The following AGBL1 variants were observed in gnomAD, a reference collection of about 807,000 sequenced individuals.
AGBL1 encodes cytosolic carboxypeptidase 4.
A neutral mutation model predicts 118.9 loss-of-function variants in AGBL1; 130 were observed. That is an observed-to-expected ratio of 1.09 (90% CI 0.95 to 1.26). The LOEUF is 1.26. AGBL1 is among the 50% of genes most tolerant of loss of function. The pLI is 0.00. For synonymous variants in AGBL1, 555 were observed against 478.9 expected (o/e 1.16, Z -2.08); for missense variants, 1,584 against 1,298.1 (o/e 1.22, Z -3.38).
At chr15:86,768,622 A>G (rs1377791651) in intron 22 of AGBL1, among the ~76,000 whole-genome samples, 1 of 151,968 alleles carries the variant, frequency 6.6e-6, no homozygotes, top group Non-Finnish European at 1.5e-5. Flanking sequence ...GCCTGACCTG[A>G]CAACCTAGTG....
chr15:86,564,269 T>C (rs1043961690), intron 21 of AGBL1, among the ~76,000 whole-genome samples: 2 of 152,212 alleles, frequency 1.3e-5, no homozygotes, highest in African/African-American at 4.8e-5. Context: ...TGGCTGGTAC[T>C]GGTTGTTCCT....
At chr15:86,392,727 A>C (rs2081306974) in intron 17 of AGBL1, among the ~76,000 whole-genome samples, 1 of 152,196 alleles carries the variant, frequency 6.6e-6, no homozygotes, top group African/African-American at 2.4e-5. Flanking sequence ...CTCTTTTTAC[A>C]GATGTCATTA....
chr15:86,761,023 A>G (rs906268930), intron 22 of AGBL1, among the ~76,000 whole-genome samples: 4 of 152,078 alleles, frequency 2.6e-5, no homozygotes, highest in East Asian at 1.9e-4. Flanking sequence ...GGGAAACAGT[A>G]TTCTAGCCTT....
chr15:86,410,834 A>ATC (rs1567242815), intron 18 of AGBL1, among the ~76,000 whole-genome samples: 1 of 106,134 alleles, frequency 9.4e-6, no homozygotes, highest in South Asian at 2.5e-4. Flanking sequence ...ATATATATAT[A>ATC]TATATATAAT....
At chr15:86,769,311 C>T (rs527246877) in intron 22 of AGBL1, among the ~76,000 whole-genome samples, 1 of 151,912 alleles carries the variant, frequency 6.6e-6, no homozygotes, top group South Asian at 2.1e-4. Flanking sequence ...TCTGTATCTT[C>T]ATTATCCCAG....
At chr15:86,947,178 A>C (rs1324514299) in intron 23 of AGBL1, among the ~76,000 whole-genome samples, 1 of 152,136 alleles carries the variant, frequency 6.6e-6, no homozygotes, top group Non-Finnish European at 1.5e-5. Flanking sequence ...TGAATAATGA[A>C]AGCTGCCCGG....
chr15:86,687,047 C>A (rs1014558309), intron 22 of AGBL1, among the ~76,000 whole-genome samples: 2 of 152,014 alleles, frequency 1.3e-5, no homozygotes, highest in Non-Finnish European at 2.9e-5. Flanking sequence ...ATCCTTGCAC[C>A]GGTCAGGGTT....
At chr15:86,466,817 C>G (rs1446548391) in intron 18 of AGBL1, among the ~76,000 whole-genome samples, 1 of 152,182 alleles carries the variant, frequency 6.6e-6, no homozygotes, top group East Asian at 1.9e-4. Flanking sequence ...TGGGTATCAG[C>G]AGTGGAGGCT....
intron 20 of AGBL1, among the ~76,000 whole-genome samples, chr15:86,553,305 T>C (rs569929560): frequency 6.0e-4 from 92 of 152,336 alleles, no homozygotes; most frequent in African/African-American, 2.2e-3. Context: ...CTCTGAGTCA[T>C]TGTCCTCTGG....
intron 6 of AGBL1, among the ~76,000 whole-genome samples, chr15:86,238,200 C>T (rs939842114): frequency 6.6e-6 from 1 of 152,142 alleles, no homozygotes; most frequent in African/African-American, 2.4e-5. Flanking sequence ...TTGTGTGTGC[C>T]TATTTGGTAT....
At chr15:86,108,035 G>C (rs1245556893) in intron 1 of AGBL1, among the ~76,000 whole-genome samples, 2 of 152,206 alleles carry the variant, frequency 1.3e-5, no homozygotes, top group Non-Finnish European at 2.9e-5. Context: ...CATGTGAGGA[G>C]AGCCTCATGC....
At chr15:86,342,212 T>C (rs1014366112) in intron 17 of AGBL1, among the ~76,000 whole-genome samples, 31 of 152,320 alleles carry the variant, frequency 2.0e-4, no homozygotes, top group African/African-American at 6.7e-4. Flanking sequence ...TCTAAGCTTT[T>C]TACAGGATGA....
chr15:86,355,937 A>T (rs905074433), intron 17 of AGBL1, among the ~76,000 whole-genome samples: 3 of 152,136 alleles, frequency 2.0e-5, no homozygotes, highest in East Asian at 1.9e-4. Flanking sequence ...GAATTTAATG[A>T]TGCACTCATG....
chr15:86,128,423 GAC>G (rs1311761835), intron 1 of AGBL1, among the ~76,000 whole-genome samples: 1 of 152,148 alleles, frequency 6.6e-6, no homozygotes, highest in Non-Finnish European at 1.5e-5. Flanking sequence ...TTTGGGTGGG[GAC>G]ACAGCCAAAC....
chr15:86,814,094 C>A (rs1292856854), intron 22 of AGBL1, among the ~76,000 whole-genome samples: 1 of 152,118 alleles, frequency 6.6e-6, no homozygotes, highest in African/African-American at 2.4e-5. Flanking sequence ...CCAGTCTGGT[C>A]CATGGCCTAT....
intron 1 of AGBL1, among the ~76,000 whole-genome samples, chr15:86,116,908 C>T (rs1897796456): frequency 6.6e-6 from 1 of 151,956 alleles, no homozygotes; most frequent in Non-Finnish European, 1.5e-5. Context: ...GGTAACCAAG[C>T]ATCTTTCTTC....
intron 21 of AGBL1, among the ~76,000 whole-genome samples, chr15:86,626,879 C>T (rs1317452649): frequency 9.3e-5 from 14 of 151,048 alleles, no homozygotes; most frequent in African/African-American, 3.4e-4. Flanking sequence ...ACTCTGTCCC[C>T]CAGGTTGGAG....
At chr15:86,200,587 G>T (rs1597539042) in intron 5 of AGBL1, among the ~76,000 whole-genome samples, 1 of 109,570 alleles carries the variant, frequency 9.1e-6, no homozygotes, top group Admixed American at 1.3e-4. Context: ...CCATCATGGT[G>T]TTGTTTTAAG....
At position 86,787,947 on chromosome 15, in the gene AGBL1, G is replaced by T. The variant is rs556748277; in HGVS notation, c.3158+113511G>T. On this transcript the variant is annotated intron_variant, in intron 22 of 22. Coordinates refer to ENST00000614907, the MANE Select transcript of AGBL1 (RefSeq NM_001386094.1). ...GAACACTAATTCTTGCTATTTAATT[G>T]CATTGAAAATAAGTTCCATGAAACT... Among the ~76,000 whole-genome samples the T allele has an allele frequency of 2.0e-5, 3 of 152,044 alleles. No individual in the cohort carries two copies. In the South Asian group the frequency reaches 6.2e-4, roughly 32 times the overall value.
Sources: gnomAD v4.1 joint callset for allele counts (sites outside exome capture counted in the v4.1 genomes callset) on GRCh38, gnomAD v4.1.1 for gene constraint, MANE v1.5 for transcripts, NCBI Gene and HGNC (gene_info 2026-07-23, HGNC 2026-07-21) for gene names.